GRAMD1B: variants seen among roughly 807,000 people sequenced by gnomAD.
The protein encoded by GRAMD1B is GRAM domain containing 1B, also known as protein Aster-B.
Under a neutral mutation model 99.7 loss-of-function variants are expected in GRAMD1B, and 37 were observed. The observed-to-expected ratio is 0.37, with a 90% CI of 0.29 to 0.49. GRAMD1B has a LOEUF of 0.49. Among genes scored for constraint, GRAMD1B ranks in the 20% least tolerant of loss-of-function variants. The pLI is 0.98. For synonymous variants in GRAMD1B, 427 were observed against 387.6 expected, an observed-to-expected ratio of 1.10 and a Z score of -1.19; for missense variants, 888 against 1,009.2, an observed-to-expected ratio of 0.88 and a Z score of 1.63.
chr11:123,498,022 G>T (rs1002912940), intron 2 of GRAMD1B, among the ~76,000 whole-genome samples: 1 of 151,726 alleles, frequency 6.6e-6, no homozygotes, highest in African/African-American at 2.4e-5. Flanking sequence ...CACCACCACC[G>T]GCCAACAGGG....
chr11:123,536,516 A>G (rs1943975643), intron 2 of GRAMD1B, among the ~76,000 whole-genome samples: 2 of 152,210 alleles, frequency 1.3e-5, no homozygotes, highest in Non-Finnish European at 2.9e-5. Flanking sequence ...CAATGAAATA[A>G]TTCGTGTTGA....
intron 1 of GRAMD1B, among the ~76,000 whole-genome samples, chr11:123,424,550 A>G (rs913205531): frequency 1.3e-5 from 2 of 152,188 alleles, no homozygotes; most frequent in African/African-American, 4.8e-5. Context: ...CTAATCCTGT[A>G]TGTCTCACCC....
chr11:123,385,834 C>T (rs1288922873), intron 1 of GRAMD1B, among the ~76,000 whole-genome samples: 2 of 152,100 alleles, frequency 1.3e-5, no homozygotes, highest in African/African-American at 2.4e-5. Flanking sequence ...TGCTGGAGAT[C>T]GGAGGTCCTT....
Position 123,591,622 on chromosome 11 carries a change from GC to G in GRAMD1B, c.685-2456del, listed in dbSNP as rs1301358047. On this transcript the variant is annotated intron_variant, in intron 4 of 19. Coordinates refer to ENST00000635736, the MANE Select transcript of GRAMD1B (RefSeq NM_001387025.1). The surrounding 1 kb of genome is among the most constrained non-coding windows in gnomAD (Gnocchi z 4.7). The stretch of plus-strand genomic sequence containing the variant: ...TGCCACTTGGCTCTCCTACCCGAAG[GC>G]CCCAGATTTGACAATCTTGGAACCG... 1 of 397,672 alleles carries G rather than the reference GC, an allele frequency of 2.5e-6. No individual in the cohort carries two copies. Among genetic ancestry groups the G allele is most frequent in the Non-Finnish European group, 4.4e-6 (1 of 225,874 alleles). 24.6% of individuals were successfully genotyped at this position (397,672 alleles called of 1,614,324 possible).
intron 2 of GRAMD1B, among the ~76,000 whole-genome samples, chr11:123,534,853 A>C (rs960078938): frequency 6.6e-6 from 1 of 151,670 alleles, no homozygotes; most frequent in Non-Finnish European, 1.5e-5. Flanking sequence ...AGCAAGAGCG[A>C]AACTCCATCT....
At chr11:123,562,836 A>C (rs1057330250) in intron 2 of GRAMD1B, among the ~76,000 whole-genome samples, 2 of 152,366 alleles carry the variant, frequency 1.3e-5, no homozygotes, top group Admixed American at 1.3e-4. Context: ...AGGTTGAAGC[A>C]CTATACCCAG....
intron 2 of GRAMD1B, among the ~76,000 whole-genome samples, chr11:123,542,896 C>T (rs1944683381): frequency 6.6e-6 from 1 of 152,162 alleles, no homozygotes; most frequent in South Asian, 2.1e-4. Flanking sequence ...TCAGGTGATC[C>T]ACTCGCCTCA....
chr11:123,537,928 A>T (rs1227859224), intron 2 of GRAMD1B, among the ~76,000 whole-genome samples: 1 of 152,134 alleles, frequency 6.6e-6, no homozygotes, highest in Non-Finnish European at 1.5e-5. Context: ...TCTGTGGCTA[A>T]ATTCTCCTAA....
chr11:123,574,499 C>T (rs912491968), intron 2 of GRAMD1B, among the ~76,000 whole-genome samples: 2 of 151,936 alleles, frequency 1.3e-5, no homozygotes, highest in Admixed American at 6.6e-5. Context: ...GAACTGGGGC[C>T]CTGGGGAAGG....
At chr11:123,391,240 G>A (rs908426630) in intron 1 of GRAMD1B, among the ~76,000 whole-genome samples, 1 of 152,126 alleles carries the variant, frequency 6.6e-6, no homozygotes, top group African/African-American at 2.4e-5. Context: ...ATCATGAGAT[G>A]AGAGCTCTTG....
rs1208658975 is a variant in GRAMD1B, at chr11:123,587,845, G to A, written c.684+3513G>A. Among the ~76,000 whole-genome samples the A allele has an allele frequency of 6.6e-6, 1 of 152,156 alleles. No homozygotes were observed. The highest frequency in any genetic ancestry group is 1.5e-5 in the Non-Finnish European group (1 of 68,022). On this transcript the variant is annotated intron_variant, in intron 4 of 19. Transcript: ENST00000635736. The surrounding 1 kb of genome is among the most constrained non-coding windows in gnomAD (Gnocchi z 4.2). ...ATGGAATCCAGGGTGTTGGGGTTGG[G>A]CAGCGGAGAGGGTAGGAGACCTGCC...
intron 1 of GRAMD1B, among the ~76,000 whole-genome samples, chr11:123,368,258 C>CAAAA (rs1024340450): frequency 1.4e-3 from 121 of 88,142 alleles, no homozygotes; most frequent in Non-Finnish European, 2.1e-3. Context: ...CATCTTAAAA[C>CAAAA]AAAAAAAAAA....
intron 1 of GRAMD1B, among the ~76,000 whole-genome samples, chr11:123,462,498 C>T (rs944466134): frequency 4.2e-4 from 64 of 152,332 alleles, no homozygotes; most frequent in African/African-American, 1.5e-3. Flanking sequence ...CTCAGCTCAG[C>T]CCCTGAGTCC....
chr11:123,387,279 G>A (rs1947097244), intron 1 of GRAMD1B, among the ~76,000 whole-genome samples: 1 of 152,080 alleles, frequency 6.6e-6, no homozygotes, highest in Non-Finnish European at 1.5e-5. Context: ...TTCAGACAAG[G>A]ACTAATTTGG....
At chr11:123,416,961 C>G (rs1300409878) in intron 1 of GRAMD1B, among the ~76,000 whole-genome samples, 1 of 152,150 alleles carries the variant, frequency 6.6e-6, no homozygotes, top group East Asian at 1.9e-4. Context: ...AGTGGTGAAT[C>G]CAGGATTTGA....
chr11:123,451,910 T>G (rs2134373111), intron 1 of GRAMD1B, among the ~76,000 whole-genome samples: 1 of 152,304 alleles, frequency 6.6e-6, no homozygotes, highest in Middle Eastern at 3.4e-3. Context: ...CATAGCTCAC[T>G]GCAGCCTCTA....
At chr11:123,451,424 G>A (rs531321128) in intron 1 of GRAMD1B, among the ~76,000 whole-genome samples, 11 of 152,200 alleles carry the variant, frequency 7.2e-5, no homozygotes, top group Non-Finnish European at 1.6e-4. Flanking sequence ...CTCAAAAAGA[G>A]GTTGTGTCAT....
At chr11:123,571,598 G>T (rs549747766) in intron 2 of GRAMD1B, among the ~76,000 whole-genome samples, 2 of 152,088 alleles carry the variant, frequency 1.3e-5, no homozygotes, top group Admixed American at 6.5e-5. Context: ...GAGGGGAAAT[G>T]GGGAAATGAA....
In GRAMD1B at chr11:123,415,602, T is replaced by G. The variant is rs192026433; in HGVS notation, c.-176+56803T>G. The stretch of plus-strand genomic sequence containing the variant: ...AGATCATTTTTATCATTAAGGTCTT[T>G]GATCTGGGTAGCATGCAATTCTCTG... On this transcript the variant is annotated intron_variant, in intron 1 of 20. Coordinates refer to the GRAMD1B transcript ENST00000638157. 3.9e-4 allele frequency among the ~76,000 whole-genome samples: 60 copies of G among 152,218 alleles called. 1 individual carries two copies. The Middle Eastern group carries it at 0.01, about 26-fold the overall frequency.
Sources: allele counts gnomAD v4.1 joint callset (sites outside exome capture counted in the v4.1 genomes callset), GRCh38; gene constraint gnomAD v4.1.1; non-coding constraint Gnocchi (gnomAD v3.1); transcripts MANE v1.5; gene names NCBI Gene and HGNC (gene_info 2026-07-23, HGNC 2026-07-21).